Variants in TTC23 observed in about 807,000 individuals in gnomAD.
The protein encoded by TTC23 is tetratricopeptide repeat protein 23.
In TTC23, 58 loss-of-function variants were observed where a neutral mutation model predicts 55.1. The ratio of observed to expected loss-of-function variants is 1.05; its 90% CI spans 0.85 to 1.31. The LOEUF (loss-of-function observed/expected upper bound fraction) is 1.31. Among genes scored for constraint, TTC23 ranks in the 50% most tolerant of loss-of-function variants. TTC23 has a pLI of 0.00. For synonymous variants in TTC23, 203 were observed against 199.9 expected, an observed-to-expected ratio of 1.02 and a Z score of -0.13; for missense variants, 516 against 534.4, an observed-to-expected ratio of 0.97 and a Z score of 0.34.
chr15:99,225,109 C>T (rs959726068), intron 5 of TTC23, among the ~76,000 whole-genome samples: 8 of 152,144 alleles, frequency 5.3e-5, no homozygotes, highest in East Asian at 1.9e-4. Flanking sequence ...AGATTTCCAG[C>T]GAAGAGGACG....
At chr15:99,141,045 TACCATTTCACCC>T (rs1393816926) in intron 12 of TTC23, 5 of 152,182 alleles carry the variant, frequency 3.3e-5, no homozygotes, top group Non-Finnish European at 7.4e-5. Flanking sequence ...ATGAGGTAGG[TACCATTTCACCC>T]ACCAGACTGC....
At chr15:99,197,773 G>A (rs2075868366) in intron 9 of TTC23, among the ~76,000 whole-genome samples, 1 of 152,030 alleles carries the variant, frequency 6.6e-6, no homozygotes, top group South Asian at 2.1e-4. Context: ...AGGCATGGTG[G>A]CGGGCGCCTG....
intron 13 of TTC23, 28 bp downstream of exon 13, chr15:99,139,286 GATA>G: frequency 2.1e-6 from 2 of 941,732 alleles, no homozygotes; most frequent in African/African-American, 4.7e-5. Context: ...AAGGGAATGA[GATA>G]GAGAAAGTGT....
At chr15:99,213,031 G>C (rs574770887) in intron 8 of TTC23, among the ~76,000 whole-genome samples, 2 of 146,886 alleles carry the variant, frequency 1.4e-5, no homozygotes, top group African/African-American at 5.0e-5. Flanking sequence ...TCCAATGAGC[G>C]CTGCCTGAGA....
intron 3 of TTC23, among the ~76,000 whole-genome samples, chr15:99,235,428 T>C (rs1259787660): frequency 6.6e-6 from 1 of 151,116 alleles, no homozygotes; most frequent in Admixed American, 6.6e-5. Flanking sequence ...TAAAGTGCAG[T>C]GGCGCGATCT....
At chr15:99,221,916 AAC>A in intron 5 of TTC23, 52 bp from the exon 6 acceptor site, 1 of 1,600,120 alleles carries the variant, frequency 6.2e-7, no homozygotes, top group Non-Finnish European at 8.5e-7. Flanking sequence ...AGAGTCACAA[AAC>A]ACAAAATCAA....
At chr15:99,180,176 TC>T (rs939956431) in intron 9 of TTC23, among the ~76,000 whole-genome samples, 1 of 152,158 alleles carries the variant, frequency 6.6e-6, no homozygotes, top group Non-Finnish European at 1.5e-5. Flanking sequence ...GCATTTCCCC[TC>T]ATGTCTTTTG....
chr15:99,241,729 T>C (rs148462764), intron 2 of TTC23, among the ~76,000 whole-genome samples, 170 bp from the exon 3 acceptor site: 155 of 152,348 alleles, frequency 1.0e-3, no homozygotes, highest in African/African-American at 3.6e-3. Flanking sequence ...AGCTCAGTTC[T>C]GAAGGTCCCC....
intron 11 of TTC23, chr15:99,157,384 G>A (rs2070756579): frequency 6.6e-6 from 1 of 151,756 alleles, no homozygotes; most frequent in South Asian, 2.1e-4. Flanking sequence ...GCTAATTTTT[G>A]TATTTTTAGT....
At chr15:99,235,690 G>T (rs920684221) in intron 3 of TTC23, among the ~76,000 whole-genome samples, 1 of 152,128 alleles carries the variant, frequency 6.6e-6, no homozygotes, top group East Asian at 1.9e-4. Context: ...ATTTTTAAGT[G>T]TGCAGTTCAG....
chr15:99,166,569 A>T (rs1278304118), intron 10 of TTC23, among the ~76,000 whole-genome samples: 1 of 152,196 alleles, frequency 6.6e-6, no homozygotes, highest in Non-Finnish European at 1.5e-5. Flanking sequence ...TATTCCTTAC[A>T]TGAAGGCAAC....
intron 10 of TTC23, among the ~76,000 whole-genome samples, chr15:99,164,791 T>C (rs146962520): frequency 8.3e-4 from 127 of 152,302 alleles, no homozygotes; most frequent in Middle Eastern, 3.4e-3. Flanking sequence ...GTGGCCTCCA[T>C]GATCTTCAGG....
chr15:99,175,567 G>C (rs1040176594), intron 9 of TTC23, among the ~76,000 whole-genome samples: 2 of 152,246 alleles, frequency 1.3e-5, no homozygotes, highest in Non-Finnish European at 2.9e-5. Context: ...GGTGTCAGCA[G>C]TCTCCCCACA....
intron 1 of TTC23, among the ~76,000 whole-genome samples, chr15:99,246,874 C>T (rs1164360999): frequency 2.0e-5 from 3 of 152,136 alleles, no homozygotes; most frequent in East Asian, 1.9e-4. Flanking sequence ...GGGCCGAGAT[C>T]GTGGCACTCT....
chr15:99,165,240 AAC>A (rs1171510096), intron 10 of TTC23, among the ~76,000 whole-genome samples: 1 of 152,206 alleles, frequency 6.6e-6, no homozygotes, highest in Non-Finnish European at 1.5e-5. Flanking sequence ...GAAACATGAA[AAC>A]ACACAGAGCA....
At chr15:99,203,759 T>C (rs1294967106) in intron 8 of TTC23, among the ~76,000 whole-genome samples, 2 of 152,112 alleles carry the variant, frequency 1.3e-5, no homozygotes, top group Non-Finnish European at 2.9e-5. Context: ...TGATATTTTC[T>C]GTGCCTGGCT....
intron 6 of TTC23, among the ~76,000 whole-genome samples, chr15:99,221,434 T>C (rs1322485345): frequency 2.0e-5 from 3 of 152,190 alleles, no homozygotes; most frequent in African/African-American, 7.2e-5. Context: ...TTCCATACCT[T>C]GGGTTTTTTC....
intron 8 of TTC23, among the ~76,000 whole-genome samples, chr15:99,209,451 C>A (rs1567491218): frequency 6.6e-6 from 1 of 152,178 alleles, no homozygotes; most frequent in Non-Finnish European, 1.5e-5. Context: ...CAGTCTACAT[C>A]AGTGAATGTA....
chr15:99,155,209 G>A (rs941649353), intron 12 of TTC23, among the ~76,000 whole-genome samples: 7 of 152,118 alleles, frequency 4.6e-5, no homozygotes, highest in African/African-American at 1.4e-4. Flanking sequence ...TAGTAATAAC[G>A]AAGATCAAAT....
Sources: allele counts gnomAD v4.1 joint callset (sites outside exome capture counted in the v4.1 genomes callset), GRCh38; gene constraint gnomAD v4.1.1; transcripts MANE v1.5; gene names NCBI Gene and HGNC (gene_info 2026-07-23, HGNC 2026-07-21).